Variants in SNX8 observed in about 807,000 individuals in gnomAD.
The protein encoded by SNX8 is sorting nexin 8, also known as sorting nexin-8.
A neutral mutation model predicts 51.6 loss-of-function variants in SNX8; 25 were observed. That is an observed-to-expected ratio of 0.48 (90% CI 0.35 to 0.68). SNX8 has a LOEUF of 0.68. Among genes scored for constraint, SNX8 ranks in the 30% least tolerant of loss-of-function variants. The pLI, the probability that SNX8 is intolerant of heterozygous loss-of-function variation, is 0.00. For missense variants in SNX8, 695 were observed against 624.0 expected (o/e 1.11, Z -1.21); for synonymous variants, 324 against 277.0 (o/e 1.17, Z -1.68).
chr7:2,257,589 G>A (rs1265797221), intron 8 of SNX8, 75 bp from the exon 9 acceptor site: 1 of 1,584,564 alleles, frequency 6.3e-7, no homozygotes, highest in East Asian at 2.2e-5. Flanking sequence ...GCCGAGGGAA[G>A]CACCCCCGCC....
rs1346893132 is a variant in SNX8 at position 2,269,586 on chromosome 7, C to G, written c.594G>C (p.Leu198=). Residue 198 remains leucine, a synonymous_variant, in exon 5 of 11, where the codon CTG becomes CTC. Coordinates refer to ENST00000222990, the MANE Select transcript of SNX8 (RefSeq NM_013321.4). The part of the protein sequence containing the change: ...ESAQCVGDEF[L]NCKLATRAKD... ...TGGCCCTGGTAGCCAGCTTACAGTTCAGGAATTCGTCCCCGACGCACTGTG... is the reference window on the plus strand; with the variant it reads ...TGGCCCTGGTAGCCAGCTTACAGTTGAGGAATTCGTCCCCGACGCACTGTG... 1 of 1,588,818 alleles carries G rather than the reference C, an allele frequency of 6.3e-7. No individual in the cohort carries two copies. The highest frequency in any genetic ancestry group is 8.6e-7 in the Non-Finnish European group (1 of 1,168,032).
rs776084789 is a variant in SNX8, at chr7:2,271,908, C to T, written c.482G>A (p.Arg161Gln). The change falls in exon 4 of 11, where the codon CGA becomes CAA. Residue 161 changes from arginine to glutamine, a missense_variant. Coordinates refer to ENST00000222990, the MANE Select transcript of SNX8 (RefSeq NM_013321.4). ...ALKRFVNLVARHPLFSEDVVL... is the reference protein window; with the variant it reads ...ALKRFVNLVAQHPLFSEDVVL... ...CACATCCTCGGAGAACAGGGGGTGT[C>T]GCGCCACCAGGTTGACGAAGCGCTT... 16 of 1,613,814 alleles carry T rather than the reference C, an allele frequency of 9.9e-6. No homozygotes were observed. In the Admixed American group the frequency reaches 1.3e-4, roughly 13 times the overall value.
At chr7:2,303,437 AC>A (rs1422824551) in intron 1 of SNX8, among the ~76,000 whole-genome samples, 1 of 151,450 alleles carries the variant, frequency 6.6e-6, no homozygotes. Flanking sequence ...CCCGGCCACC[AC>A]CCCGTCTGGG....
At chr7:2,342,482 C>T (rs1175986749) in intron 1 of SNX8, among the ~76,000 whole-genome samples, 4 of 151,926 alleles carry the variant, frequency 2.6e-5, no homozygotes, top group East Asian at 1.9e-4. Flanking sequence ...GGTGAAACCC[C>T]GTCTGTACTA....
rs761561859 is a variant in SNX8, at chr7:2,255,074, G to A, written c.1380C>T (p.Asp460=). ...TCAGGCGCTAGTGAGGACACAGGCC[G>A]TCCTCCGGCGGGGAGCACGGTGGGG... ...TLTPPCSPPE[D]GLCPH is the part of the protein sequence containing the mutation. The change falls in exon 11 of 11, where the codon GAC becomes GAT. Residue 460 remains aspartate (D), a synonymous_variant. Coordinates refer to ENST00000222990, the MANE Select transcript of SNX8 (RefSeq NM_013321.4). 68 of 1,572,734 alleles carry A rather than the reference G, an allele frequency of 4.3e-5. No homozygotes were observed. The African/African-American group carries it at 4.9e-4, about 11-fold the overall frequency.
intron 2 of SNX8, among the ~76,000 whole-genome samples, chr7:2,276,640 T>C (rs1348490869): frequency 3.1e-5 from 4 of 127,796 alleles, no homozygotes; most frequent in African/African-American, 1.1e-4. Context: ...CCATTTGTAC[T>C]TTAAAAAAAA....
At chr7:2,270,314 CAAAAAAAA>C (rs57983721) in intron 4 of SNX8, among the ~76,000 whole-genome samples, 1,006 of 57,082 alleles carry the variant, frequency 0.018, 13 homozygotes, top group Middle Eastern at 0.026. Flanking sequence ...TCTCATTTTA[CAAAAAAAA>C]AAAAAAAAAA....
chr7:2,291,419 G>A (rs1438966850), intron 1 of SNX8, among the ~76,000 whole-genome samples: 3 of 152,014 alleles, frequency 2.0e-5, no homozygotes, highest in South Asian at 2.1e-4. Flanking sequence ...CCAACATGGC[G>A]AAACCCTGTC....
intron 1 of SNX8, among the ~76,000 whole-genome samples, chr7:2,344,016 A>C (rs1256614300): frequency 1.4e-5 from 2 of 146,380 alleles, no homozygotes; most frequent in Non-Finnish European, 3.0e-5. Flanking sequence ...CTGGGCAACA[A>C]GAGCAAAACT....
In SNX8 at chr7:2,264,344, C is replaced by T. The variant is rs1795411374; in HGVS notation, c.736G>A (p.Ala246Thr). 6.2e-7 allele frequency: 1 copy of T among 1,612,972 alleles called. No homozygotes were observed. Among genetic ancestry groups the T allele is most frequent in the African/African-American group, 1.3e-5 (1 of 75,048 alleles). The change falls in exon 6 of 11, where the codon GCC becomes ACC. Residue 246 changes from alanine to threonine, a missense_variant. Ala to Thr is a moderately conservative substitution (Grantham distance 58). Transcript: ENST00000222990. ...RDRAERIASR[A>T]IDNAADLLIF... is the part of the protein sequence containing the mutation. ...AGAAGATCTGCCGCATTGTCGATGG[C>T]CCGCGATGCGATCCGCTCGGCCCTG... is the stretch of plus-strand genomic sequence containing the variant.
At position 2,303,879 on chromosome 7, in the gene SNX8, G is replaced by T. The variant is rs181887524; in HGVS notation, c.94+10449C>A. 9.1e-4 allele frequency among the ~76,000 whole-genome samples: 137 copies of T among 151,270 alleles called. 2 individuals carry two copies. Among genetic ancestry groups the T allele is most frequent in the Non-Finnish European group, 2.9e-4 (20 of 67,976 alleles). ...ACCTTTGTTCACGTGTTTATCTGCC[G>T]ACCTTCCCTCCACTATTGTCCTATG... On this transcript the variant is annotated intron_variant, in intron 1 of 10. Transcript: ENST00000222990.
intron 1 of SNX8, among the ~76,000 whole-genome samples, chr7:2,310,317 C>T (rs976306228): frequency 6.6e-6 from 1 of 152,086 alleles, no homozygotes; most frequent in Non-Finnish European, 1.5e-5. Flanking sequence ...GATATTTTGA[C>T]AGGAATAGTT....
In SNX8 at chr7:2,335,074, T is replaced by C. The variant is rs184521685; in HGVS notation, c.-66+19148A>G. On this transcript the variant is annotated intron_variant, in intron 1 of 5. Transcript: ENST00000435336. ...ACCTGGGTGTGGTTGTGTGCGCCTG[T>C]AATCCCAGCTACTTGGGAGGCTGAG... Among the ~76,000 whole-genome samples, 321 of 151,854 alleles carry C rather than the reference T, an allele frequency of 2.1e-3. 1 individual carries two copies. Among genetic ancestry groups the C allele is most frequent in the African/African-American group, 7.3e-3 (302 of 41,400 alleles).
chr7:2,293,107 GA>G (rs2115170055), intron 1 of SNX8, among the ~76,000 whole-genome samples: 1 of 150,946 alleles, frequency 6.6e-6, no homozygotes, highest in East Asian at 2.1e-4. Context: ...ACACCACCAA[GA>G]AAGTGAGACC....
At chr7:2,353,343 G>A (rs1779206364) in intron 1 of SNX8, among the ~76,000 whole-genome samples, 1 of 152,146 alleles carries the variant, frequency 6.6e-6, no homozygotes, top group Non-Finnish European at 1.5e-5. Flanking sequence ...CTGTGATTAT[G>A]CCACCGCACT....
chr7:2,305,442 C>T (rs1269159025), intron 1 of SNX8, among the ~76,000 whole-genome samples: 1 of 152,152 alleles, frequency 6.6e-6, no homozygotes, highest in African/African-American at 2.4e-5. Flanking sequence ...CAGCTCACTG[C>T]AACCTCTGCC....
chr7:2,285,597 T>C (rs73275028), intron 1 of SNX8, among the ~76,000 whole-genome samples: 4,000 of 152,234 alleles, frequency 0.026, 179 homozygotes, highest in African/African-American at 0.091. Flanking sequence ...ACTTCACCCA[T>C]GATCCTCTCA....
At chr7:2,352,533 T>C (rs1331388825) in intron 1 of SNX8, among the ~76,000 whole-genome samples, 1 of 152,088 alleles carries the variant, frequency 6.6e-6, no homozygotes, top group Non-Finnish European at 1.5e-5. Context: ...TAAGCATGCA[T>C]ATGTAGAAAA....
At chr7:2,315,117 G>C (rs530413397), upstream of SNX8, among the ~76,000 whole-genome samples, 1 of 128,872 alleles carries the variant, frequency 7.8e-6, no homozygotes, top group African/African-American at 3.0e-5. Context: ...CACACTCACC[G>C]CATCCTGCAT....
Sources: allele counts gnomAD v4.1 joint callset (sites outside exome capture counted in the v4.1 genomes callset), GRCh38; gene constraint gnomAD v4.1.1; transcripts MANE v1.5; gene names NCBI Gene and HGNC (gene_info 2026-07-23, HGNC 2026-07-21).